The following FAM83A variants were observed in gnomAD, a reference collection of about 807,000 sequenced individuals.
The protein encoded by FAM83A is scaffolding CK1 anchoring protein A.
Under a neutral mutation model 24.4 loss-of-function variants are expected in FAM83A, and 21 were observed. That is an observed-to-expected ratio of 0.86 (90% confidence interval 0.61 to 1.24). The LOEUF (loss-of-function observed/expected upper bound fraction) is 1.24. FAM83A is among the 50% of genes most tolerant of loss of function. FAM83A has a pLI of 0.00. For synonymous variants in FAM83A, 270 were observed against 252.4 expected, an observed-to-expected ratio of 1.07 and a Z score of -0.66; for missense variants, 617 against 579.8, an observed-to-expected ratio of 1.06 and a Z score of -0.66.
At chr8:123,187,348 T>G (rs1327407648) in intron 1 of FAM83A, among the ~76,000 whole-genome samples, 2 of 152,092 alleles carry the variant, frequency 1.3e-5, no homozygotes, top group African/African-American at 4.8e-5. Context: ...TTCGAACCAC[T>G]TATCCCATGT....
intron 1 of FAM83A, among the ~76,000 whole-genome samples, 167 bp downstream of exon 1, chr8:123,183,503 G>A (rs1823686254): frequency 6.6e-6 from 1 of 151,972 alleles, no homozygotes; most frequent in African/African-American, 2.4e-5. Context: ...CTGACCTCCT[G>A]ATCCCACCTG....
exon 4 of FAM83A, chr8:123,207,349 C>T (rs1363453687): frequency 1.9e-6 from 3 of 1,611,508 alleles, no homozygotes; most frequent in East Asian, 4.5e-5. Flanking sequence ...TTAGCAGCAG[C>T]AGTGGCTCCG....
At chr8:123,190,388 AGTAGCTGGGACTATAGGCGT>A (rs1823932693) in intron 1 of FAM83A, among the ~76,000 whole-genome samples, 1 of 151,310 alleles carries the variant, frequency 6.6e-6, no homozygotes, top group Admixed American at 6.6e-5. Context: ...CAGCCTCCCC[AGTAGCTGGGACTATAGGCGT>A]GCACTACCAG....
At chr8:123,206,885 C>T (rs1399559114) in intron 3 of FAM83A, among the ~76,000 whole-genome samples, 1 of 152,054 alleles carries the variant, frequency 6.6e-6, no homozygotes, top group Admixed American at 6.5e-5. Context: ...GATCTTGGGG[C>T]CTGGGCCGGC....
intron 3 of FAM83A, 33 bp from the exon 4 acceptor site, chr8:123,207,124 T>C: frequency 1.1e-6 from 1 of 925,970 alleles, no homozygotes; most frequent in Non-Finnish European, 1.4e-6. Flanking sequence ...TTCCCCCTTC[T>C]CCTCCATCAC....
At chr8:123,202,470 T>A (rs1293011473) in intron 3 of FAM83A, 1 of 153,114 alleles carries the variant, frequency 6.5e-6, no homozygotes, top group African/African-American at 2.4e-5. Context: ...CCATCATGAT[T>A]TGGAATTATT....
chr8:123,196,419 C>T (rs1824155919), intron 3 of FAM83A, among the ~76,000 whole-genome samples: 1 of 152,210 alleles, frequency 6.6e-6, no homozygotes. Context: ...CTAATATTTA[C>T]ATTTTGACTT....
Position 123,185,322 on chromosome 8 carries a change from A to G in FAM83A, c.480+1986A>G, listed in dbSNP as rs143790229. ...GTGCTCTCCCGAGGGGTGGGGACCA[A>G]TGCTGTTGGGGGAAATTGTCAATCG... is the stretch of plus-strand genomic sequence containing the variant. On this transcript the variant is annotated intron_variant, in intron 1 of 3. Transcript: ENST00000690554. Among the ~76,000 whole-genome samples the G allele has an allele frequency of 2.7e-4, 41 of 152,278 alleles. 1 individual carries two copies. The East Asian group carries it at 6.2e-3, about 23-fold the overall frequency.
upstream of FAM83A, chr8:123,182,373 A>G: frequency 5.6e-6 from 2 of 357,598 alleles, no homozygotes; most frequent in South Asian, 4.1e-5. Flanking sequence ...TCTTTGAAAC[A>G]GCATGGGAAT....
At chr8:123,204,440 A>G (rs927401835) in intron 3 of FAM83A, among the ~76,000 whole-genome samples, 1 of 152,226 alleles carries the variant, frequency 6.6e-6, no homozygotes, top group Admixed American at 6.5e-5. Flanking sequence ...AGTGAATGCT[A>G]CGTACTTATG....
intron 3 of FAM83A, among the ~76,000 whole-genome samples, chr8:123,194,690 G>A (rs1223417491): frequency 1.3e-5 from 2 of 152,166 alleles, no homozygotes; most frequent in East Asian, 3.9e-4. Flanking sequence ...CATCATGTTG[G>A]CCAGGCTGGT....
At chr8:123,182,759 G>T in exon 1 of FAM83A, 2 of 1,483,242 alleles carry the variant, frequency 1.3e-6, no homozygotes, top group South Asian at 2.7e-5. Context: ...TCCCGGGGGT[G>T]CGGGAGCCCC....
intron 2 of FAM83A, among the ~76,000 whole-genome samples, chr8:123,193,154 A>C (rs1824038035): frequency 1.3e-5 from 2 of 152,340 alleles, no homozygotes; most frequent in African/African-American, 4.8e-5. Flanking sequence ...CAGGTGCTAC[A>C]GGGAAGACAA....
rs1191385251 is a variant in FAM83A at position 123,183,167 on chromosome 8, C to A, written c.311C>A (p.Thr104Asn). 5 of 1,613,672 alleles carry A rather than the reference C, an allele frequency of 3.1e-6. No homozygotes were observed. The Admixed American group carries it at 6.7e-5, about 22-fold the overall frequency. The change falls in exon 1 of 4, where the codon ACC becomes AAC. Residue 104 changes from threonine to asparagine, a missense_variant. Transcript: ENST00000690554. ...GACTCCAGCTCCCTACAGTCCGGCA[C>A]CTACTTCCCTGTGGCCTCAGAGGGC...
upstream of FAM83A, chr8:123,180,521 G>A (rs1202460967): frequency 6.5e-6 from 1 of 152,984 alleles, no homozygotes; most frequent in African/African-American, 2.4e-5. Context: ...TGAGAGTATA[G>A]TCTCTATGGA....
At chr8:123,203,249 G>T (rs34654114) in intron 3 of FAM83A, among the ~76,000 whole-genome samples, 6,313 of 150,368 alleles carry the variant, frequency 0.042, 443 homozygotes, top group African/African-American at 0.15. Flanking sequence ...GACCATAAAA[G>T]TTTGCTTAAT....
At chr8:123,182,880 C>A (rs764320016) in exon 1 of FAM83A, 2 of 1,522,170 alleles carry the variant, frequency 1.3e-6, no homozygotes, top group South Asian at 2.6e-5. Context: ...GGCACCTGGG[C>A]AAAATCCGGA....
chr8:123,191,860 G>C lies in FAM83A; in HGVS notation c.538G>C (p.Glu180Gln), dbSNP rs751961401. ...TGTGGAGATCTTCTGTGACATTCTA[G>C]AGGCAGCCAACAAGCGTGGGGTGTT... Residue 180 changes from glutamate (E) to glutamine (Q), a missense_variant, in exon 2 of 4, where the codon GAG becomes CAG. Transcript: ENST00000690554. 8 of 1,614,018 alleles carry C rather than the reference G, an allele frequency of 5.0e-6. No homozygotes were observed. In the South Asian group the frequency reaches 8.8e-5, roughly 18 times the overall value.
chr8:123,189,100 A>G (rs550778169), intron 1 of FAM83A, among the ~76,000 whole-genome samples: 1 of 152,250 alleles, frequency 6.6e-6, no homozygotes, highest in South Asian at 2.1e-4. Context: ...GGAGGCATTT[A>G]TCTTTCAGCA....
Sources: gnomAD v4.1 joint callset for allele counts (sites outside exome capture counted in the v4.1 genomes callset) on GRCh38, gnomAD v4.1.1 for gene constraint, MANE v1.5 for transcripts, NCBI Gene and HGNC (gene_info 2026-07-23, HGNC 2026-07-21) for gene names.